Variants in DNAJC10 observed in about 807,000 individuals in gnomAD.
The protein encoded by DNAJC10 is endoplasmic reticulum disulfide reductase DNAJC10.
Under a neutral mutation model 115.0 loss-of-function variants are expected in DNAJC10, and 101 were observed. That is an observed-to-expected ratio of 0.88 (90% CI 0.75 to 1.04). The LOEUF (loss-of-function observed/expected upper bound fraction) is 1.04, where lower values mean the gene tolerates loss of function less well. Ranked by LOEUF, DNAJC10 falls within the 50% of genes least tolerant of loss-of-function variation. The pLI, the probability that DNAJC10 is intolerant of heterozygous loss-of-function variation, is 0.00. For synonymous variants in DNAJC10, 307 were observed against 301.5 expected (o/e 1.02, Z -0.19); for missense variants, 981 against 928.8 (o/e 1.06, Z -0.73).
At chr2:182,767,230 C>G (rs1694436858) in intron 22 of DNAJC10, among the ~76,000 whole-genome samples, 1 of 152,064 alleles carries the variant, frequency 6.6e-6, no homozygotes, top group African/African-American at 2.4e-5. Context: ...AAAATAGTAG[C>G]GTTAATAAAA....
At position 182,787,059 on chromosome 2, in the gene DNAJC10, C is replaced by G. The variant is rs1361093740; in HGVS notation, c.*9927C>G. Reference sequence around the variant, plus strand: ...GCCAGCACTTTGATAGTGGACTTCCCAGCCTCCAGAACTATGAGAAATAAA... The same window carrying G: ...GCCAGCACTTTGATAGTGGACTTCCGAGCCTCCAGAACTATGAGAAATAAA... On this transcript the variant is annotated 3_prime_UTR_variant, in exon 24 of 24. Coordinates refer to ENST00000264065, the MANE Select transcript of DNAJC10 (RefSeq NM_018981.4). 2.0e-5 allele frequency: 3 copies of G among 152,484 alleles called. No individual in the cohort carries two copies. The highest frequency in any genetic ancestry group is 4.4e-5 in the Non-Finnish European group (3 of 68,300). The allele number at this position is 152,484 out of a possible 1,614,324, so 9.4% of individuals were successfully genotyped here. A position where few individuals can be genotyped will look rare whatever the true frequency, so the allele number is the denominator to read the frequency against.
At chr2:182,753,425 G>A (rs1164375897) in intron 16 of DNAJC10, among the ~76,000 whole-genome samples, 1 of 152,102 alleles carries the variant, frequency 6.6e-6, no homozygotes, top group Non-Finnish European at 1.5e-5. Flanking sequence ...GCACATGCCT[G>A]TAGAAATTTC....
chr2:182,745,683 C>T (rs1194202851), intron 14 of DNAJC10, among the ~76,000 whole-genome samples: 1 of 150,574 alleles, frequency 6.6e-6, no homozygotes, highest in East Asian at 1.9e-4. Flanking sequence ...AGTAAACTAA[C>T]AAATTTTTAT....
chr2:182,732,176 C>G, intron 9 of DNAJC10, among the ~76,000 whole-genome samples: 1 of 152,060 alleles, frequency 6.6e-6, no homozygotes, highest in Middle Eastern at 3.4e-3. Context: ...ATTTTGAGAT[C>G]TCTTGGATAA....
intron 22 of DNAJC10, among the ~76,000 whole-genome samples, chr2:182,772,142 T>C (rs935807533): frequency 3.9e-5 from 6 of 152,264 alleles, no homozygotes; most frequent in African/African-American, 7.2e-5. Flanking sequence ...AGTGAGTTTC[T>C]TAATCCTGAG....
chr2:182,720,087 G>T lies in DNAJC10; in HGVS notation c.285G>T (p.Lys95Asn), dbSNP rs1002315771. 6.2e-7 allele frequency: 1 copy of T among 1,610,302 alleles called. No homozygotes were observed. The highest frequency in any genetic ancestry group is 8.5e-7 in the Non-Finnish European group (1 of 1,177,204). ...EVLKDEDLRK[K>N]YDKYGEKGLE... is the part of the protein sequence containing the mutation. ...TCAAAGATGAAGATCTACGGAAAAA[G>T]TATGACAAATATGGAGAAAAGGGAC... The change falls in exon 4 of 24, where the codon AAG becomes AAT. Residue 95 changes from lysine to asparagine, a missense_variant. By Grantham distance (94) the Lys-to-Asn change is moderately conservative. Transcript: ENST00000264065.
chr2:182,730,202 T>G (rs559338149), intron 8 of DNAJC10, among the ~76,000 whole-genome samples: 1 of 152,158 alleles, frequency 6.6e-6, no homozygotes, highest in Non-Finnish European at 1.5e-5. Flanking sequence ...TCTCTCAAAG[T>G]GCAAAAAATG....
intron 22 of DNAJC10, among the ~76,000 whole-genome samples, chr2:182,773,239 A>T (rs1694614016): frequency 6.6e-6 from 1 of 152,074 alleles, no homozygotes; most frequent in Admixed American, 6.6e-5. Flanking sequence ...GGGTAACTCG[A>T]CCTTTCTCTC....
chr2:182,767,609 A>G (rs1422996758), intron 22 of DNAJC10, among the ~76,000 whole-genome samples: 1 of 152,066 alleles, frequency 6.6e-6, no homozygotes, highest in East Asian at 1.9e-4. Context: ...TGCAGAGCTT[A>G]TAGCTTGCAG....
chr2:182,756,374 CAA>C lies in DNAJC10; in HGVS notation c.1716_1717del (p.Arg573LysfsTer9). The C allele has an allele frequency of 6.2e-7, 1 of 1,613,978 alleles. No homozygotes were observed. The highest frequency in any genetic ancestry group is 1.1e-5 in the South Asian group (1 of 91,074). ...CACCACCTTCAACGAACTAGTTACA[CAA>C]AGAAAACACAACGAAGTCTGGATGG... ...TPTTFNELVTQRKHNEVWMVD... is the reference protein window; with the variant it reads ...TPTTFNELVTXRKHNEVWMVD... On this transcript the variant is annotated frameshift_variant, in exon 18 of 24. Transcript: ENST00000264065. LOFTEE classifies it high-confidence loss of function.
Position 182,732,499 on chromosome 2 carries a change from A to G in DNAJC10, c.806A>G (p.Asp269Gly), listed in dbSNP as rs752110260. Reference protein sequence around the residue: ...WLITFCSKGGDCLTSQTRLRL... With the variant: ...WLITFCSKGGGCLTSQTRLRL... ...CCTCATAAGGTTTTTTTGTCCCCAGATTGTTTGACTTCACAGACACGACTC... is the reference window on the plus strand; with the variant it reads ...CCTCATAAGGTTTTTTTGTCCCCAGGTTGTTTGACTTCACAGACACGACTC... Residue 269 changes from aspartate (D) to glycine (G), a missense_variant and splice_region_variant, in exon 10 of 24, where the codon GAT (aspartate) becomes GGT (glycine). Transcript: ENST00000264065. 2.5e-6 allele frequency: 4 copies of G among 1,613,428 alleles called. No homozygotes were observed. The highest frequency in any genetic ancestry group is 2.5e-6 in the Non-Finnish European group (3 of 1,179,524).
chr2:182,733,206 CATATTTTGACATT>C (rs1424371020), intron 10 of DNAJC10, among the ~76,000 whole-genome samples: 1 of 151,934 alleles, frequency 6.6e-6, no homozygotes, highest in South Asian at 2.1e-4. Context: ...TCTTCCTTTA[CATATTTTGACATT>C]ATATTGTTGG....
In DNAJC10 at chr2:182,793,985, C is replaced by T. The variant is rs1695099255; in HGVS notation, c.*16853C>T. Reference sequence around the variant, plus strand: ...TTTTTAACCTAGGATTCTATTCATACCTACCCAGACTAACAAGTAGCAGGC... The same window carrying T: ...TTTTTAACCTAGGATTCTATTCATATCTACCCAGACTAACAAGTAGCAGGC... On this transcript the variant is annotated 3_prime_UTR_variant, in exon 24 of 24. Transcript: ENST00000264065. The T allele has an allele frequency of 6.6e-6, 1 of 152,108 alleles. No individual in the cohort carries two copies. The highest frequency in any genetic ancestry group is 6.6e-5 in the Admixed American group (1 of 15,254). 9.4% of individuals were successfully genotyped at this position (152,108 alleles called of 1,614,324 possible). A position where few individuals can be genotyped will look rare whatever the true frequency, so the allele number is the denominator to read the frequency against.
At chr2:182,730,755 A>G (rs559650619) in intron 8 of DNAJC10, among the ~76,000 whole-genome samples, 1 of 152,242 alleles carries the variant, frequency 6.6e-6, no homozygotes, top group African/African-American at 2.4e-5. Context: ...AGCTGGCTAA[A>G]TAGGTAGGCA....
At chr2:182,762,096 C>T (rs1430566932) in intron 21 of DNAJC10, among the ~76,000 whole-genome samples, 8 of 150,404 alleles carry the variant, frequency 5.3e-5, no homozygotes, top group Non-Finnish European at 7.4e-5. Flanking sequence ...GCACAGAAGA[C>T]GACTAAAATG....
intron 22 of DNAJC10, among the ~76,000 whole-genome samples, chr2:182,766,951 G>A (rs1274808182): frequency 6.6e-6 from 1 of 152,040 alleles, no homozygotes; most frequent in Non-Finnish European, 1.5e-5. Context: ...GGAGGAAAAG[G>A]CTCCAGTCTG....
chr2:182,731,288 A>T, intron 9 of DNAJC10, among the ~76,000 whole-genome samples, 181 bp downstream of exon 9: 1 of 151,994 alleles, frequency 6.6e-6, no homozygotes, highest in Non-Finnish European at 1.5e-5. Flanking sequence ...TGAGGTTATT[A>T]TTCATTTTTT....
chr2:182,773,394 G>A (rs1353061015), intron 22 of DNAJC10, among the ~76,000 whole-genome samples: 1 of 152,080 alleles, frequency 6.6e-6, no homozygotes. Flanking sequence ...GATAGGTTGA[G>A]GAAGTTCTGG....
rs554958249 is a variant in DNAJC10 at position 182,732,874 on chromosome 2, A to G, written c.849+332A>G. ...TTCTTTTTTAGTCATTTTTAAATGT[A>G]TATAGCTCTCATGTTATGGCTGGGA... is the stretch of plus-strand genomic sequence containing the variant. On this transcript the variant is annotated intron_variant, in intron 10 of 23. Coordinates refer to ENST00000264065, the MANE Select transcript of DNAJC10 (RefSeq NM_018981.4). The G allele has an allele frequency of 1.7e-4, 48 of 289,642 alleles. 1 individual carries two copies. The highest frequency in any genetic ancestry group is 2.0e-3 in the Middle Eastern group (2 of 976). The allele number at this position is 289,642 out of a possible 1,614,324, so 17.9% of individuals were successfully genotyped here. A position where few individuals can be genotyped will look rare whatever the true frequency, so the allele number is the denominator to read the frequency against.
Sources: gnomAD v4.1 joint callset for allele counts (sites outside exome capture counted in the v4.1 genomes callset) on GRCh38, gnomAD v4.1.1 for gene constraint, MANE v1.5 for transcripts, NCBI Gene and HGNC (gene_info 2026-07-23, HGNC 2026-07-21) for gene names.